TFCP2: variants seen among roughly 807,000 people sequenced by gnomAD.
TFCP2 encodes the protein alpha-globin transcription factor CP2.
In TFCP2, 33 loss-of-function variants were observed where a neutral mutation model predicts 73.4. That is an observed-to-expected ratio of 0.45 (90% CI 0.34 to 0.60). TFCP2 has a LOEUF of 0.60. TFCP2 is among the 20% of genes least tolerant of loss of function. The pLI is 0.01. For synonymous variants in TFCP2, 193 were observed against 211.6 expected, an observed-to-expected ratio of 0.91 and a Z score of 0.76; for missense variants, 352 against 604.0, an observed-to-expected ratio of 0.58 and a Z score of 4.37.
At chr12:51,150,413 A>C (rs1941396222) in intron 1 of TFCP2, among the ~76,000 whole-genome samples, 1 of 151,948 alleles carries the variant, frequency 6.6e-6, no homozygotes, top group African/African-American at 2.4e-5. Context: ...GCGAGCCTCC[A>C]TCTCGAAAAA....
intron 1 of TFCP2, among the ~76,000 whole-genome samples, chr12:51,140,804 G>A (rs1178064990): frequency 2.0e-5 from 3 of 151,458 alleles, no homozygotes; most frequent in Non-Finnish European, 4.4e-5. Flanking sequence ...ACCTGTAATC[G>A]CAGCATTTTG....
intron 1 of TFCP2, among the ~76,000 whole-genome samples, chr12:51,144,568 G>A (rs964612237): frequency 2.6e-5 from 4 of 152,100 alleles, no homozygotes; most frequent in African/African-American, 4.8e-5. Context: ...GTTGATCAGT[G>A]GCAAAAGATG....
At position 51,172,715 on chromosome 12, in the gene TFCP2, C is replaced by A. The variant is rs1941887433; in HGVS notation, c.-293G>T. The A allele has an allele frequency of 6.5e-6, 2 of 308,356 alleles. No homozygotes were observed. Among genetic ancestry groups the A allele is most frequent in the African/African-American group, 2.1e-5 (1 of 47,028 alleles). The allele number at this position is 308,356 out of a possible 1,614,324, so 19.1% of individuals were successfully genotyped here. A position where few individuals can be genotyped will look rare whatever the true frequency, so the allele number is the denominator to read the frequency against. On this transcript the variant is annotated 5_prime_UTR_variant, in exon 1 of 15. Transcript: ENST00000257915. ...CAGACTTCCCAGAGGCAGCTCTGGA[C>A]TCCCGCACTCCCACTCCTCTTGAGA...
intron 4 of TFCP2, among the ~76,000 whole-genome samples, chr12:51,114,565 A>G (rs1039282079): frequency 1.3e-5 from 2 of 152,100 alleles, no homozygotes; most frequent in African/African-American, 4.8e-5. Flanking sequence ...AGATCATGCC[A>G]CTGCACTCCA....
chr12:51,104,143 C>T lies in TFCP2; in HGVS notation c.966+12G>A, dbSNP rs760051174. On this transcript the variant is annotated intron_variant, in intron 9 of 14. Coordinates refer to ENST00000257915, the MANE Select transcript of TFCP2 (RefSeq NM_005653.5). ...GACATTGCAAGTAACTGACATTCAA[C>T]TTTAGACTTACATCTGTGACTGGAG... The T allele has an allele frequency of 6.2e-7, 1 of 1,613,964 alleles. No homozygotes were observed. Among genetic ancestry groups the T allele is most frequent in the South Asian group, 1.1e-5 (1 of 91,078 alleles).
At chr12:51,107,174 G>C (rs1465178304) in intron 7 of TFCP2, 62 bp downstream of exon 7, 2 of 1,343,498 alleles carry the variant, frequency 1.5e-6, no homozygotes, top group South Asian at 2.5e-5. Context: ...CAGTTTGGAA[G>C]TGATGAATTT....
intron 1 of TFCP2, among the ~76,000 whole-genome samples, chr12:51,158,259 C>T (rs897755636): frequency 1.3e-5 from 2 of 151,972 alleles, no homozygotes; most frequent in Admixed American, 1.3e-4. Context: ...TCAAGAGAGC[C>T]CCCCCATTCC....
At chr12:51,162,465 A>G (rs1941669508) in intron 1 of TFCP2, among the ~76,000 whole-genome samples, 1 of 151,972 alleles carries the variant, frequency 6.6e-6, no homozygotes, top group Non-Finnish European at 1.5e-5. Flanking sequence ...AAAAAAGAAA[A>G]GAAAAAGGAA....
Position 51,094,309 on chromosome 12 carries a change from T to A in TFCP2, c.*932A>T, listed in dbSNP as rs1482497990. On this transcript the variant is annotated 3_prime_UTR_variant, in exon 15 of 15. Transcript: ENST00000257915. ...CTTAAAAAGCATCTATGTGTTCATT[T>A]CTTGTAGGTCTTGATTTGTTCATCA... 3.9e-5 allele frequency: 6 copies of A among 152,238 alleles called. No homozygotes were observed. 9.4% of individuals were successfully genotyped at this position (152,238 alleles called of 1,614,324 possible). A position where few individuals can be genotyped will look rare whatever the true frequency, so the allele number is the denominator to read the frequency against.
rs1939884736 is a variant in TFCP2, at chr12:51,093,701, C to T, written c.*1540G>A. ...TTGCTCAGGTCAGTTTTAAACAAGT[C>T]ATTGACTTAATTTTTTGGTTTCAAA... is the stretch of plus-strand genomic sequence containing the variant. On this transcript the variant is annotated 3_prime_UTR_variant, in exon 15 of 15. Coordinates refer to ENST00000257915, the MANE Select transcript of TFCP2 (RefSeq NM_005653.5). 1 of 151,956 alleles carries T rather than the reference C, an allele frequency of 6.6e-6. No homozygotes were observed. The highest frequency in any genetic ancestry group is 2.1e-4 in the South Asian group (1 of 4,826). The allele number at this position is 151,956 out of a possible 1,614,324, so 9.4% of individuals were successfully genotyped here. A position where few individuals can be genotyped will look rare whatever the true frequency, so the allele number is the denominator to read the frequency against.
rs1219021205 is a variant in TFCP2 at position 51,099,651 on chromosome 12, C to T, written c.1276+4G>A. On this transcript the variant is annotated splice_donor_region_variant and intron_variant, in intron 12 of 14. Transcript: ENST00000257915. ...TCTGTCCTAGTGTGTCCAGAACAACCTACCGAAGAAAGTACCATTTGAGTC... is the reference window on the plus strand; with the variant it reads ...TCTGTCCTAGTGTGTCCAGAACAACTTACCGAAGAAAGTACCATTTGAGTC... 3 of 1,614,160 alleles carry T rather than the reference C, an allele frequency of 1.9e-6. No individual in the cohort carries two copies. Among genetic ancestry groups the T allele is most frequent in the Non-Finnish European group, 2.5e-6 (3 of 1,180,026 alleles).
At chr12:51,157,675 TC>T (rs1941565176) in intron 1 of TFCP2, among the ~76,000 whole-genome samples, 5 of 113,260 alleles carry the variant, frequency 4.4e-5, no homozygotes, top group Admixed American at 1.1e-4. Context: ...TTGAGTTTTT[TC>T]TTTTCTTTTC....
intron 1 of TFCP2, among the ~76,000 whole-genome samples, chr12:51,153,891 A>G (rs1941481725): frequency 6.6e-6 from 1 of 152,170 alleles, no homozygotes; most frequent in East Asian, 1.9e-4. Context: ...TTGAATATAC[A>G]CTCAGAAGTG....
chr12:51,141,489 TG>T (rs1292973522), intron 1 of TFCP2, among the ~76,000 whole-genome samples: 1 of 152,176 alleles, frequency 6.6e-6, no homozygotes, highest in African/African-American at 2.4e-5. Flanking sequence ...GCTCTACTCT[TG>T]CAAGGATCTT....
intron 1 of TFCP2, among the ~76,000 whole-genome samples, chr12:51,159,249 T>C (rs1007831343): frequency 1.3e-5 from 2 of 151,960 alleles, no homozygotes; most frequent in Non-Finnish European, 2.9e-5. Flanking sequence ...GTGGGGGAAT[T>C]TGCAACAAAG....
intron 1 of TFCP2, among the ~76,000 whole-genome samples, chr12:51,119,011 A>G (rs557045526): frequency 9.3e-4 from 141 of 152,336 alleles, no homozygotes; most frequent in African/African-American, 3.1e-3. Flanking sequence ...GTTTCTAGGA[A>G]TCATAGACAG....
intron 1 of TFCP2, among the ~76,000 whole-genome samples, chr12:51,138,660 C>CAGGCTGGAGTGCAATGGTGAG (rs1268509221): frequency 2.6e-5 from 4 of 152,072 alleles, no homozygotes; most frequent in Non-Finnish European, 5.9e-5. Flanking sequence ...CTCTGTTGCC[C>CAGGCTGGAGTGCAATGGTGAG]AGGCTGGAGT....
chr12:51,099,486 A>T (rs897860374), intron 12 of TFCP2, among the ~76,000 whole-genome samples, 169 bp downstream of exon 12: 1 of 152,192 alleles, frequency 6.6e-6, no homozygotes, highest in Non-Finnish European at 1.5e-5. Context: ...TCAAAAAAAA[A>T]AAAAAAGAAT....
Position 51,111,865 on chromosome 12 carries a change from A to AG in TFCP2, c.458-883_458-882insC, listed in dbSNP as rs560703552. On this transcript the variant is annotated intron_variant, in intron 4 of 14. Coordinates refer to ENST00000257915, the MANE Select transcript of TFCP2 (RefSeq NM_005653.5). ...GCAAGACTTCATCTCAAAAAAAAAA[A>AG]TTATTTTTAGGCCAGGCGTGGTGGC... Among the ~76,000 whole-genome samples, 310 of 150,752 alleles carry AG rather than the reference A, an allele frequency of 2.1e-3. 1 individual carries two copies. Among genetic ancestry groups the AG allele is most frequent in the Non-Finnish European group, 3.8e-3 (259 of 67,732 alleles).
Sources: gnomAD v4.1 joint callset for allele counts (sites outside exome capture counted in the v4.1 genomes callset) on GRCh38, gnomAD v4.1.1 for gene constraint, MANE v1.5 for transcripts, NCBI Gene and HGNC (gene_info 2026-07-23, HGNC 2026-07-21) for gene names.